The following RABGAP1L variants were observed in gnomAD, a reference collection of about 807,000 sequenced individuals.
RABGAP1L encodes the protein RAB GTPase activating protein 1 like.
A neutral mutation model predicts 137.7 loss-of-function variants in RABGAP1L; 63 were observed. That is an observed-to-expected ratio of 0.46 (90% confidence interval 0.37 to 0.56). The LOEUF (loss-of-function observed/expected upper bound fraction) is 0.56, where lower values mean the gene tolerates loss of function less well. Among genes scored for constraint, RABGAP1L ranks in the 20% least tolerant of loss-of-function variants. The pLI is 0.00. For synonymous variants in RABGAP1L, 431 were observed against 433.7 expected, an observed-to-expected ratio of 0.99 and a Z score of 0.08; for missense variants, 1,095 against 1,244.0, an observed-to-expected ratio of 0.88 and a Z score of 1.80.
intron 13 of RABGAP1L, among the ~76,000 whole-genome samples, chr1:174,420,618 A>G (rs1391634849): frequency 6.6e-6 from 1 of 151,256 alleles, no homozygotes; most frequent in African/African-American, 2.4e-5. Flanking sequence ...TTCATTCCTG[A>G]TATGCCTTTT....
At chr1:174,618,193 C>G in intron 13 of RABGAP1L, among the ~76,000 whole-genome samples, 1 of 152,328 alleles carries the variant, frequency 6.6e-6, no homozygotes, top group African/African-American at 2.4e-5. Flanking sequence ...GCCTGCTTAC[C>G]TCTGTAGACT....
At position 174,606,819 on chromosome 1, in the gene RABGAP1L, G is replaced by A. The variant is rs1467431194; in HGVS notation, c.1711-30556G>A. Among the ~76,000 whole-genome samples, 3 of 152,230 alleles carry A rather than the reference G, an allele frequency of 2.0e-5. No homozygotes were observed. The East Asian group carries it at 5.8e-4, about 29-fold the overall frequency. The stretch of plus-strand genomic sequence containing the variant: ...GATTTTTCTGATTCTATTCATAGCA[G>A]TATCTGTAGCTTTTAACTAGTATTT... On this transcript the variant is annotated intron_variant, in intron 13 of 25. Coordinates refer to ENST00000681986, the MANE Select transcript of RABGAP1L (RefSeq NM_001366446.1).
At chr1:174,778,191 G>A (rs1686685181) in intron 18 of RABGAP1L, among the ~76,000 whole-genome samples, 1 of 152,154 alleles carries the variant, frequency 6.6e-6, no homozygotes, top group Non-Finnish European at 1.5e-5. Flanking sequence ...TATGTGTAAA[G>A]AAACAAAGAA....
chr1:174,253,268 A>G (rs1270144791), intron 7 of RABGAP1L, among the ~76,000 whole-genome samples: 1 of 152,166 alleles, frequency 6.6e-6, no homozygotes, highest in Non-Finnish European at 1.5e-5. Context: ...AATGCGAATT[A>G]TAGTAACCTT....
chr1:174,527,221 T>TTTTTG, intron 13 of RABGAP1L, among the ~76,000 whole-genome samples: 1 of 137,708 alleles, frequency 7.3e-6, no homozygotes, highest in East Asian at 2.0e-4. Context: ...TTTTTTTTTT[T>TTTTTG]GAGACAGAAT....
chr1:174,824,222 A>G (rs1157778312), intron 19 of RABGAP1L, among the ~76,000 whole-genome samples: 1 of 152,088 alleles, frequency 6.6e-6, no homozygotes, highest in Non-Finnish European at 1.5e-5. Flanking sequence ...CCAGGAAGGC[A>G]GAGGTTGCAG....
At chr1:174,854,869 C>T (rs1259946241) in intron 19 of RABGAP1L, among the ~76,000 whole-genome samples, 1 of 151,082 alleles carries the variant, frequency 6.6e-6, no homozygotes, top group East Asian at 1.9e-4. Flanking sequence ...TCCTGAGTAG[C>T]TGGGATTACA....
intron 14 of RABGAP1L, among the ~76,000 whole-genome samples, chr1:174,676,448 A>C (rs575410685): frequency 1.3e-5 from 2 of 152,214 alleles, no homozygotes; most frequent in Non-Finnish European, 2.9e-5. Flanking sequence ...TCTTCCATAG[A>C]GATTTTAAAT....
chr1:174,469,370 C>T (rs1221704305), intron 13 of RABGAP1L, among the ~76,000 whole-genome samples: 1 of 152,126 alleles, frequency 6.6e-6, no homozygotes, highest in Non-Finnish European at 1.5e-5. Flanking sequence ...GTTAATTAAT[C>T]CTTTAAGCCA....
chr1:174,298,880 C>A (rs972207066), intron 10 of RABGAP1L, among the ~76,000 whole-genome samples: 12 of 152,306 alleles, frequency 7.9e-5, no homozygotes, highest in African/African-American at 2.9e-4. Flanking sequence ...TTGTACATTA[C>A]CCATCCCTTT....
At chr1:174,450,515 A>G (rs923324470) in intron 13 of RABGAP1L, among the ~76,000 whole-genome samples, 1 of 152,228 alleles carries the variant, frequency 6.6e-6, no homozygotes, top group Non-Finnish European at 1.5e-5. Context: ...TATATTAGAC[A>G]AAGCTGCATT....
intron 18 of RABGAP1L, among the ~76,000 whole-genome samples, chr1:174,801,723 T>A (rs1207253456): frequency 6.6e-6 from 1 of 152,250 alleles, no homozygotes; most frequent in Non-Finnish European, 1.5e-5. Context: ...CTGAACCTCA[T>A]CTTTTTCTTA....
chr1:174,645,893 C>T (rs112491834), intron 14 of RABGAP1L, among the ~76,000 whole-genome samples: 14 of 152,158 alleles, frequency 9.2e-5, no homozygotes, highest in African/African-American at 1.4e-4. Flanking sequence ...TTTTAATGAT[C>T]GCCATTCTAA....
At chr1:174,969,176 C>A in intron 20 of RABGAP1L, 101 bp from the exon 21 acceptor site, 2 of 884,058 alleles carry the variant, frequency 2.3e-6, no homozygotes, top group Non-Finnish European at 3.6e-6. Context: ...CCTTTTTACA[C>A]CTTTGAAAGT....
At chr1:174,659,879 T>G (rs1490573784) in intron 14 of RABGAP1L, among the ~76,000 whole-genome samples, 1 of 152,194 alleles carries the variant, frequency 6.6e-6, no homozygotes, top group Non-Finnish European at 1.5e-5. Flanking sequence ...AAACATTGAA[T>G]CATCCTTGCT....
chr1:174,469,053 C>T (rs1008783427), intron 13 of RABGAP1L, among the ~76,000 whole-genome samples: 1 of 151,996 alleles, frequency 6.6e-6, no homozygotes, highest in African/African-American at 2.4e-5. Flanking sequence ...AAGAACAGAA[C>T]GTTTATATTT....
chr1:174,555,213 G>T (rs1231843948), intron 13 of RABGAP1L, among the ~76,000 whole-genome samples: 2 of 152,080 alleles, frequency 1.3e-5, no homozygotes. Context: ...CATTTAAAAA[G>T]GATTACATGT....
chr1:174,903,170 C>T (rs922378259), intron 19 of RABGAP1L, among the ~76,000 whole-genome samples: 2 of 152,094 alleles, frequency 1.3e-5, no homozygotes, highest in African/African-American at 4.8e-5. Context: ...GGGAAACTTC[C>T]TAGAATTCCA....
intron 12 of RABGAP1L, among the ~76,000 whole-genome samples, chr1:174,383,896 A>G (rs1209873054): frequency 1.3e-5 from 2 of 152,272 alleles, no homozygotes; most frequent in African/African-American, 4.8e-5. Flanking sequence ...ATTTTATAAA[A>G]TTGAAGACCC....
Sources: gnomAD v4.1 joint callset for allele counts (sites outside exome capture counted in the v4.1 genomes callset) on GRCh38, gnomAD v4.1.1 for gene constraint, MANE v1.5 for transcripts, NCBI Gene and HGNC (gene_info 2026-07-23, HGNC 2026-07-21) for gene names.